Variants in DISC1 observed in about 807,000 individuals in gnomAD.
DISC1 encodes the protein disrupted in schizophrenia 1 protein.
A neutral mutation model predicts 84.5 loss-of-function variants in DISC1; 57 were observed. The ratio of observed to expected loss-of-function variants is 0.67; its 90% CI spans 0.55 to 0.84. The LOEUF (loss-of-function observed/expected upper bound fraction) is 0.84. Ranked by LOEUF, DISC1 falls within the 40% of genes least tolerant of loss-of-function variation. The probability of loss-of-function intolerance (pLI) is 0.00; values close to 1 mark genes in which losing one functional copy is unlikely to be tolerated. For missense variants in DISC1, 1,000 were observed against 1,057.8 expected (o/e 0.95, Z 0.76); for synonymous variants, 411 against 415.2 (o/e 0.99, Z 0.12).
At chr1:231,665,380 G>C (rs995104398) in intron 1 of DISC1, among the ~76,000 whole-genome samples, 2 of 152,178 alleles carry the variant, frequency 1.3e-5, no homozygotes, top group Non-Finnish European at 2.9e-5. Flanking sequence ...TGCCACTACT[G>C]ATGCTGGAAG....
In DISC1 at chr1:231,742,608, G is replaced by GA. The variant is rs796971327; in HGVS notation, c.1118-7308dup. Among the ~76,000 whole-genome samples, 252 of 150,044 alleles carry GA rather than the reference G, an allele frequency of 1.7e-3. 4 individuals carry two copies. The highest frequency in any genetic ancestry group is 6.0e-3 in the African/African-American group (245 of 40,982). ...GACAACATGACAAAACCCCATCTCT[G>GA]AAAAAAAAAATTTAAAAAGCAGAGC... is the stretch of plus-strand genomic sequence containing the variant. On this transcript the variant is annotated intron_variant, in intron 3 of 12. Coordinates refer to ENST00000439617, the MANE Select transcript of DISC1 (RefSeq NM_018662.3).
chr1:231,917,291 T>TAGAA (rs2089703328), intron 9 of DISC1, among the ~76,000 whole-genome samples: 2 of 152,196 alleles, frequency 1.3e-5, no homozygotes, highest in African/African-American at 2.4e-5. Context: ...CATTCTCTTC[T>TAGAA]ATCGAGATGC....
intron 1 of DISC1, among the ~76,000 whole-genome samples, chr1:231,633,357 T>A (rs1259376138): frequency 6.6e-6 from 1 of 152,150 alleles, no homozygotes; most frequent in East Asian, 1.9e-4. Context: ...TGTAGGGCAG[T>A]GTGGATGACT....
chr1:231,844,888 T>C (rs576739114), intron 9 of DISC1, among the ~76,000 whole-genome samples: 36 of 147,444 alleles, frequency 2.4e-4, no homozygotes, highest in Admixed American at 1.1e-3. Flanking sequence ...AACTGTGCCA[T>C]TGCACTCCAG....
chr1:231,752,019 G>A (rs2125334301), intron 4 of DISC1, among the ~76,000 whole-genome samples: 1 of 152,348 alleles, frequency 6.6e-6, no homozygotes, highest in South Asian at 2.1e-4. Flanking sequence ...AACTTAGGCA[G>A]ATCCACCAGC....
intron 9 of DISC1, among the ~76,000 whole-genome samples, chr1:231,846,270 G>T (rs12735632): frequency 0.17 from 26,498 of 152,148 alleles, 2,413 homozygotes; most frequent in Middle Eastern, 0.3. Context: ...TTGCTAACCA[G>T]TGATGGAGGA....
rs1445204106 is a variant in DISC1 at position 232,036,686 on chromosome 1, G to T, written c.2426-6G>T. The stretch of plus-strand genomic sequence containing the variant: ...CTTCGAATGTGCTCCTTAACAATGT[G>T]CCCACAGTCTCTCAGGAGGGAGCTC... On this transcript the variant is annotated splice_polypyrimidine_tract_variant and splice_region_variant and intron_variant, in intron 12 of 12. Transcript: ENST00000439617. 4 of 1,587,346 alleles carry T rather than the reference G, an allele frequency of 2.5e-6. No homozygotes were observed. Among genetic ancestry groups the T allele is most frequent in the Admixed American group, 1.7e-5 (1 of 59,282 alleles).
intron 4 of DISC1, 132 bp from the exon 5 acceptor site, chr1:231,767,008 A>C: frequency 8.3e-7 from 1 of 1,206,310 alleles, no homozygotes; most frequent in Non-Finnish European, 1.2e-6. Flanking sequence ...CATCCTAAAA[A>C]CAGGTAAGTA....
chr1:231,798,113 C>CCACACACACACACA (rs113265676), intron 7 of DISC1, among the ~76,000 whole-genome samples: 68,968 of 146,880 alleles, frequency 0.47, 16,606 homozygotes, highest in Non-Finnish European at 0.54. Context: ...GTTAGACACA[C>CCACACACACACACA]CACACACACA....
At chr1:231,843,314 G>C (rs1223503755) in intron 9 of DISC1, among the ~76,000 whole-genome samples, 2 of 152,194 alleles carry the variant, frequency 1.3e-5, no homozygotes, top group South Asian at 2.1e-4. Flanking sequence ...GGGTGGAGGA[G>C]TGGGGAGAGC....
intron 1 of DISC1, among the ~76,000 whole-genome samples, chr1:231,647,946 A>C (rs771660440): frequency 3.9e-5 from 6 of 152,234 alleles, no homozygotes; most frequent in Non-Finnish European, 7.3e-5. Context: ...TTATCTGCTT[A>C]AGGAGATTTT....
At chr1:231,872,846 A>G (rs2125958825) in intron 9 of DISC1, among the ~76,000 whole-genome samples, 1 of 152,348 alleles carries the variant, frequency 6.6e-6, no homozygotes, top group African/African-American at 2.4e-5. Context: ...ATAAGTGCAT[A>G]TTTCAGAGGC....
chr1:231,683,438 T>G lies in DISC1; in HGVS notation c.68-10388T>G, dbSNP rs74146708. On this transcript the variant is annotated intron_variant, in intron 1 of 12. Coordinates refer to ENST00000439617, the MANE Select transcript of DISC1 (RefSeq NM_018662.3). Reference sequence around the variant, plus strand: ...GATACCACCATGATTTTTTTTTTTTTTTTTTGAGACAGAGTCTTGCTCTGT... The same window carrying G: ...GATACCACCATGATTTTTTTTTTTTGTTTTTGAGACAGAGTCTTGCTCTGT... Among the ~76,000 whole-genome samples, 921 of 151,356 alleles carry G rather than the reference T, an allele frequency of 6.1e-3. 17 individuals carry two copies. Among genetic ancestry groups the G allele is most frequent in the African/African-American group, 0.021 (873 of 41,148 alleles).
Position 232,036,923 on chromosome 1 carries a change from C to A in DISC1, c.*92C>A. On this transcript the variant is annotated 3_prime_UTR_variant, in exon 13 of 13. Transcript: ENST00000439617. The stretch of plus-strand genomic sequence containing the variant: ...CCCGCCATAGCTAAGATGCCTGAAT[C>A]AATTACGGAGATACAGAGCCTTGAG... The A allele has an allele frequency of 7.4e-7, 1 of 1,355,664 alleles. No individual in the cohort carries two copies. Among genetic ancestry groups the A allele is most frequent in the Non-Finnish European group, 9.8e-7 (1 of 1,022,614 alleles). The allele number at this position is 1,355,664 out of a possible 1,614,324, so 84.0% of individuals were successfully genotyped here. A position where few individuals can be genotyped will look rare whatever the true frequency, so the allele number is the denominator to read the frequency against.
At chr1:231,986,394 C>G (rs1173517136) in intron 10 of DISC1, among the ~76,000 whole-genome samples, 1 of 151,184 alleles carries the variant, frequency 6.6e-6, no homozygotes, top group Non-Finnish European at 1.5e-5. Flanking sequence ...GCACTCTTAT[C>G]TCTACTTACG....
intron 9 of DISC1, among the ~76,000 whole-genome samples, chr1:231,837,122 A>G (rs536647726): frequency 6.6e-6 from 1 of 152,316 alleles, no homozygotes; most frequent in African/African-American, 2.4e-5. Context: ...TTTTTTTCTC[A>G]GGAGGTCTGA....
intron 7 of DISC1, among the ~76,000 whole-genome samples, chr1:231,796,489 G>A (rs182928762): frequency 5.3e-5 from 8 of 152,062 alleles, no homozygotes; most frequent in Non-Finnish European, 7.4e-5. Flanking sequence ...AGGGATCACC[G>A]CAGCTAAGCC....
At chr1:231,779,872 C>A (rs1332889581) in intron 6 of DISC1, among the ~76,000 whole-genome samples, 1 of 152,102 alleles carries the variant, frequency 6.6e-6, no homozygotes, top group Non-Finnish European at 1.5e-5. Context: ...TCAACCTATT[C>A]TGTGTAAATT....
At position 232,020,093 on chromosome 1, in the gene DISC1, G is replaced by A. The variant is rs190790237; in HGVS notation, c.2308-6342G>A. On this transcript the variant is annotated intron_variant, in intron 11 of 12. Coordinates refer to ENST00000439617, the MANE Select transcript of DISC1 (RefSeq NM_018662.3). ...GCGGTGGCTCACACCTGTAATCCCA[G>A]CACTTTGGGGGGCCAAGGCAGGCAG... is the stretch of plus-strand genomic sequence containing the variant. 1.6e-4 allele frequency among the ~76,000 whole-genome samples: 24 copies of A among 152,236 alleles called. 1 individual carries two copies. Among genetic ancestry groups the A allele is most frequent in the African/African-American group, 5.8e-4 (24 of 41,554 alleles).
Sources: allele counts gnomAD v4.1 joint callset (sites outside exome capture counted in the v4.1 genomes callset), GRCh38; gene constraint gnomAD v4.1.1; transcripts MANE v1.5; gene names NCBI Gene and HGNC (gene_info 2026-07-23, HGNC 2026-07-21).